Variants in KRABD2 observed in about 807,000 individuals in gnomAD.
The protein encoded by KRABD2 is KRAB domain containing 2, also known as KRAB domain-containing protein 2.
chr17:8,370,841 A>G, the KRABD2 span, among the ~76,000 whole-genome samples: 1 of 152,096 alleles, frequency 6.6e-6, no homozygotes, highest in Non-Finnish European at 1.5e-5. Flanking sequence ...AATTTGTACC[A>G]GGGATTGCTT....
At chr17:8,364,260 T>C in the KRABD2 span, among the ~76,000 whole-genome samples, 1 of 152,190 alleles carries the variant, frequency 6.6e-6, no homozygotes, top group Non-Finnish European at 1.5e-5. The surrounding 1 kb of genome is among the most constrained non-coding windows in gnomAD (Gnocchi z 4.4). Context: ...TCCAGCCCCA[T>C]TAACTGAATA....
chr17:8,375,855 A>G, the KRABD2 span: 4 of 1,215,352 alleles, frequency 3.3e-6, no homozygotes, highest in Non-Finnish European at 4.1e-6. Context: ...TTGGTCAGAG[A>G]AAACTGGAAA....
At chr17:8,371,129 C>T in the KRABD2 span, among the ~76,000 whole-genome samples, 1 of 152,054 alleles carries the variant, frequency 6.6e-6, no homozygotes, top group Non-Finnish European at 1.5e-5. Flanking sequence ...GAGATTATAC[C>T]ACTGCACTCC....
the KRABD2 span, among the ~76,000 whole-genome samples, chr17:8,373,132 CCTCTCCCT>C: frequency 2.8e-4 from 35 of 127,060 alleles, no homozygotes; most frequent in African/African-American, 8.1e-4. Context: ...CCACGGTCTC[CCTCTCCCT>C]CTCTCCCTCT....
the KRABD2 span, chr17:8,370,221 G>A: frequency 6.2e-7 from 1 of 1,613,086 alleles, no homozygotes; most frequent in Non-Finnish European, 8.5e-7. Flanking sequence ...CTTTTCTTTG[G>A]AAAATACCTT....
At chr17:8,374,771 C>T in the KRABD2 span, among the ~76,000 whole-genome samples, 1 of 149,984 alleles carries the variant, frequency 6.7e-6, no homozygotes, top group African/African-American at 2.5e-5. Flanking sequence ...ACGAGGAAAC[C>T]CCGTCTCTAC....
chr17:8,376,033 C>T, the KRABD2 span: 1 of 1,231,702 alleles, frequency 8.1e-7, no homozygotes, highest in Admixed American at 4.2e-5. Context: ...TCCTTCATCT[C>T]AACAACCTGT....
chr17:8,373,046 A>G, the KRABD2 span, among the ~76,000 whole-genome samples: 2 of 152,248 alleles, frequency 1.3e-5, no homozygotes, highest in African/African-American at 4.8e-5. Flanking sequence ...ACAATTATCT[A>G]ATAGACCTAT....
the KRABD2 span, among the ~76,000 whole-genome samples, chr17:8,363,853 ATATATATATTTATT>A: frequency 2.4e-4 from 16 of 67,820 alleles, 1 homozygote; most frequent in East Asian, 2.1e-3. Flanking sequence ...ATATATATAT[ATATATATATTTATT>A]TATTTATTTA....
At chr17:8,362,943 C>A in the KRABD2 span, among the ~76,000 whole-genome samples, 1 of 152,156 alleles carries the variant, frequency 6.6e-6, no homozygotes, top group African/African-American at 2.4e-5. The surrounding 1 kb of genome is among the most constrained non-coding windows in gnomAD (Gnocchi z 4.2). Flanking sequence ...AAGGCAAGAA[C>A]AAATTTCTGC....
the KRABD2 span, chr17:8,375,734 A>G: frequency 7.2e-6 from 2 of 278,670 alleles, no homozygotes; most frequent in African/African-American, 4.9e-5. Context: ...ACGGGGTCTC[A>G]TTATGTTGCC....
the KRABD2 span, chr17:8,372,160 G>A: frequency 1.3e-6 from 1 of 764,138 alleles, no homozygotes; most frequent in Non-Finnish European, 1.6e-6. The surrounding 1 kb of genome is among the most constrained non-coding windows in gnomAD (Gnocchi z 4.1). Context: ...TTCCAGGTCC[G>A]GAAGGTCCTT....
At chr17:8,363,085 A>G in the KRABD2 span, among the ~76,000 whole-genome samples, 1 of 152,202 alleles carries the variant, frequency 6.6e-6, no homozygotes, top group Non-Finnish European at 1.5e-5. Context: ...TAGGGATGAC[A>G]TGATTTAGCA....
At chr17:8,373,007 A>G in the KRABD2 span, among the ~76,000 whole-genome samples, 2 of 152,280 alleles carry the variant, frequency 1.3e-5, no homozygotes, top group Non-Finnish European at 2.9e-5. Flanking sequence ...TTACTATACC[A>G]TGAAATTCTA....
At chr17:8,372,120 G>C in the KRABD2 span, 1 of 982,618 alleles carries the variant, frequency 1.0e-6, no homozygotes, top group African/African-American at 1.7e-5. This position sits in a 1 kb window ranked among gnomAD's most constrained non-coding sequence, Gnocchi z 4.1. Flanking sequence ...TAAAGGCTCT[G>C]AGCAAGAGTC....
the KRABD2 span, chr17:8,369,356 C>A: frequency 6.2e-7 from 1 of 1,614,118 alleles, no homozygotes; most frequent in South Asian, 1.1e-5. Flanking sequence ...AGGAATATAG[C>A]CCAAATTTGG....
chr17:8,368,255 G>A, the KRABD2 span, among the ~76,000 whole-genome samples: 1 of 152,164 alleles, frequency 6.6e-6, no homozygotes, highest in African/African-American at 2.4e-5. Flanking sequence ...TGGATTTGGT[G>A]TCCAGTGATG....
the KRABD2 span, among the ~76,000 whole-genome samples, chr17:8,363,811 CATACATATATATATCATACATATAT>C: frequency 9.5e-6 from 1 of 104,928 alleles, no homozygotes; most frequent in African/African-American, 4.7e-5. Context: ...ATATATATAT[CATACATATATATATCATACATATAT>C]ATATATATAT....
chr17:8,374,628 T>TAAAAAAAAAA, the KRABD2 span, among the ~76,000 whole-genome samples: 3 of 71,418 alleles, frequency 4.2e-5, no homozygotes, highest in African/African-American at 5.4e-5. Flanking sequence ...CAATAAATAC[T>TAAAAAAAAAA]AAAAAAAAAA....
Sources: allele counts gnomAD v4.1 joint callset (sites outside exome capture counted in the v4.1 genomes callset), GRCh38; gene constraint gnomAD v4.1.1; non-coding constraint Gnocchi (gnomAD v3.1); transcripts MANE v1.5; gene names NCBI Gene and HGNC (gene_info 2026-07-23, HGNC 2026-07-21).